Variants in WDR27 observed in about 807,000 individuals in gnomAD.
WDR27 encodes WD repeat domain 27.
In WDR27, 100 loss-of-function variants were observed where a neutral mutation model predicts 114.4. The observed-to-expected ratio is 0.87, with a 90% CI of 0.74 to 1.03. The LOEUF (loss-of-function observed/expected upper bound fraction) is 1.03. WDR27 is among the 50% of genes least tolerant of loss of function. WDR27 has a pLI of 0.00. For synonymous variants in WDR27, 449 were observed against 423.1 expected, an observed-to-expected ratio of 1.06 and a Z score of -0.75; for missense variants, 1,129 against 1,092.9, an observed-to-expected ratio of 1.03 and a Z score of -0.47.
At chr6:169,569,581 T>A (rs1011526538) in intron 25 of WDR27, among the ~76,000 whole-genome samples, 1 of 152,338 alleles carries the variant, frequency 6.6e-6, no homozygotes, top group East Asian at 1.9e-4. Context: ...GAATTTTAAG[T>A]TCTCTTAAAA....
chr6:169,514,444 T>C (rs1384519588), intron 25 of WDR27, among the ~76,000 whole-genome samples: 1 of 148,716 alleles, frequency 6.7e-6, no homozygotes, highest in Non-Finnish European at 1.5e-5. Context: ...TAAACTATTG[T>C]TAATATACCA....
chr6:169,511,226 C>T (rs1297958369), intron 25 of WDR27, among the ~76,000 whole-genome samples: 1 of 152,122 alleles, frequency 6.6e-6, no homozygotes, highest in Non-Finnish European at 1.5e-5. Context: ...GATTATTCTG[C>T]AATGTAATAA....
intron 25 of WDR27, among the ~76,000 whole-genome samples, chr6:169,554,833 T>C (rs1798650864): frequency 6.6e-6 from 1 of 152,234 alleles, no homozygotes; most frequent in South Asian, 2.1e-4. Flanking sequence ...ATTTATCATT[T>C]TAAATGTTTT....
rs1554297541 is a variant in WDR27, at chr6:169,580,946, T to TATATAC, written c.2523+1889_2523+1890insGTATAT. 1.0e-4 allele frequency among the ~76,000 whole-genome samples: 9 copies of TATATAC among 87,180 alleles called. No homozygotes were observed. The South Asian group carries it at 1.6e-3, about 16-fold the overall frequency. 57.2% of individuals were successfully genotyped at this position (87,180 alleles called of 152,430 possible). A position where few individuals can be genotyped will look rare whatever the true frequency, so the allele number is the denominator to read the frequency against. On this transcript the variant is annotated intron_variant, in intron 24 of 25. Transcript: ENST00000448612. ...ACTTAGTGAATTTTATATATATATA[T>TATATAC]ATATATACATATATATATATATAAA...
intron 21 of WDR27, among the ~76,000 whole-genome samples, chr6:169,626,855 G>A (rs1166263207): frequency 6.6e-6 from 1 of 152,236 alleles, no homozygotes; most frequent in African/African-American, 2.4e-5. Context: ...TCTCCCGGCG[G>A]ACTGGGCATG....
Position 169,688,932 on chromosome 6 carries a change from A to G in WDR27, c.74T>C (p.Val25Ala). 1 of 1,614,008 alleles carries G rather than the reference A, an allele frequency of 6.2e-7. No homozygotes were observed. Among genetic ancestry groups the G allele is most frequent in the Non-Finnish European group, 8.5e-7 (1 of 1,179,870 alleles). ...ATGAGACACAGACTCCTTGGATTCA[A>G]CCAGGTATTTTTCTATAACTATATC... The part of the protein sequence containing the change: ...LSDIVIEKYL[V>A]ESKESVSHVQ... The change falls in exon 2 of 26, where the codon GTT (valine) becomes GCT (alanine). Residue 25 changes from valine to alanine, a missense_variant. Transcript: ENST00000448612.
intron 25 of WDR27, among the ~76,000 whole-genome samples, chr6:169,510,997 A>G (rs1380828363): frequency 6.6e-6 from 1 of 152,336 alleles, no homozygotes; most frequent in African/African-American, 2.4e-5. Context: ...AAGCAACATC[A>G]GCAGCTTTAT....
At position 169,598,648 on chromosome 6, in the gene WDR27, G is replaced by A. The variant is rs114142982; in HGVS notation, c.2424+3571C>T. ...AACGAGAGATGTGCAGAGGAGGAAA[G>A]GCCACTTGGAGATGGACGCAGAGGC... On this transcript the variant is annotated intron_variant, in intron 23 of 25. Coordinates refer to ENST00000448612, the MANE Select transcript of WDR27 (RefSeq NM_182552.5). Among the ~76,000 whole-genome samples, 443 of 152,312 alleles carry A rather than the reference G, an allele frequency of 2.9e-3. 3 individuals are homozygous for A. The highest frequency in any genetic ancestry group is 0.01 in the African/African-American group (427 of 41,574).
At chr6:169,658,686 C>CTTT (rs756818206) in intron 12 of WDR27, among the ~76,000 whole-genome samples, 1 of 140,572 alleles carries the variant, frequency 7.1e-6, no homozygotes, top group Non-Finnish European at 1.6e-5. Context: ...TCCGAGTTTT[C>CTTT]TTTTTTTTTT....
intron 25 of WDR27, among the ~76,000 whole-genome samples, chr6:169,534,232 C>T (rs1285091182): frequency 4.6e-5 from 7 of 152,288 alleles, no homozygotes; most frequent in East Asian, 1.9e-4. Flanking sequence ...ATTCCGGGGA[C>T]GAATCCCACT....
intron 25 of WDR27, among the ~76,000 whole-genome samples, chr6:169,553,300 C>T (rs1562572451): frequency 6.6e-6 from 1 of 152,108 alleles, no homozygotes; most frequent in Admixed American, 6.5e-5. Flanking sequence ...CCCTGCCCAT[C>T]CGCAAGCCAT....
intron 3 of WDR27, 122 bp downstream of exon 3, chr6:169,672,133 C>T (rs761918594): frequency 7.2e-5 from 74 of 1,030,340 alleles, no homozygotes; most frequent in Non-Finnish European, 9.7e-5. Context: ...CAAAATTATC[C>T]CAAACCCCCC....
chr6:169,664,801 T>A, intron 7 of WDR27: 1 of 995,360 alleles, frequency 1.0e-6, no homozygotes, highest in Non-Finnish European at 1.2e-6. Flanking sequence ...GCCAACATCT[T>A]CAGGTTTTTC....
intron 25 of WDR27, among the ~76,000 whole-genome samples, chr6:169,508,898 C>T (rs7743507): frequency 0.36 from 54,772 of 152,040 alleles, 11,109 homozygotes; most frequent in African/African-American, 0.55. Flanking sequence ...TTGTCAGAAA[C>T]GGAAGCTACA....
chr6:169,541,295 A>C lies in WDR27; in HGVS notation c.2645+31124T>G, dbSNP rs985286759. Among the ~76,000 whole-genome samples the C allele has an allele frequency of 9.2e-5, 14 of 152,220 alleles. 1 individual carries two copies. The highest frequency in any genetic ancestry group is 3.1e-4 in the African/African-American group (13 of 41,460). On this transcript the variant is annotated intron_variant, in intron 25 of 25. Coordinates refer to ENST00000448612, the MANE Select transcript of WDR27 (RefSeq NM_182552.5). ...GAACAAACCAATATTTAAAACTATA[A>C]GAAAAACTTCCAGATTCATAAAAAA...
intron 19 of WDR27, 142 bp downstream of exon 19, chr6:169,636,229 T>C: frequency 1.0e-6 from 1 of 987,506 alleles, no homozygotes; most frequent in Non-Finnish European, 1.5e-6. Context: ...ATCTGGATAA[T>C]TCCCTCTCAT....
At chr6:169,584,062 C>CATTT (rs6149943) in intron 23 of WDR27, among the ~76,000 whole-genome samples, 2 of 152,028 alleles carry the variant, frequency 1.3e-5, no homozygotes, top group African/African-American at 2.4e-5. Flanking sequence ...CACATCTCCC[C>CATTT]CTCCCCGCCT....
intron 25 of WDR27, among the ~76,000 whole-genome samples, chr6:169,517,715 T>C (rs894009572): frequency 6.6e-6 from 1 of 152,230 alleles, no homozygotes; most frequent in Admixed American, 6.5e-5. Flanking sequence ...TCTACATTTT[T>C]GAAGGATCAT....
intron 25 of WDR27, among the ~76,000 whole-genome samples, chr6:169,571,626 A>C (rs1584296265): frequency 1.3e-5 from 2 of 152,218 alleles, no homozygotes; most frequent in African/African-American, 2.4e-5. Context: ...CCAGGAGTTC[A>C]AGGCCAGCCT....
Sources: allele counts gnomAD v4.1 joint callset (sites outside exome capture counted in the v4.1 genomes callset), GRCh38; gene constraint gnomAD v4.1.1; transcripts MANE v1.5; gene names NCBI Gene and HGNC (gene_info 2026-07-23, HGNC 2026-07-21).